SCAF11: variants seen among roughly 807,000 people sequenced by gnomAD.
SCAF11 encodes protein SCAF11.
Under a neutral mutation model 140.5 loss-of-function variants are expected in SCAF11, and 47 were observed. That is an observed-to-expected ratio of 0.33 (90% CI 0.26 to 0.43). The LOEUF (loss-of-function observed/expected upper bound fraction) is 0.43. Ranked by LOEUF, SCAF11 falls within the 20% of genes least tolerant of loss-of-function variation. The pLI is 1.00. For missense variants in SCAF11, 1,645 were observed against 1,705.1 expected (o/e 0.96, Z 0.62); for synonymous variants, 557 against 579.4 (o/e 0.96, Z 0.55).
chr12:45,959,697 T>C (rs1183820947), intron 3 of SCAF11, among the ~76,000 whole-genome samples: 2 of 152,212 alleles, frequency 1.3e-5, no homozygotes, highest in Non-Finnish European at 2.9e-5. Context: ...AATAAAAGAT[T>C]CAAACTGAAA....
intron 11 of SCAF11, among the ~76,000 whole-genome samples, chr12:45,925,891 T>C (rs1472660708): frequency 2.0e-5 from 3 of 152,186 alleles, no homozygotes; most frequent in Non-Finnish European, 4.4e-5. Flanking sequence ...AACTCTTCTA[T>C]TGTAGCAAAC....
At position 45,951,728 on chromosome 12, in the gene SCAF11, C is replaced by G; in HGVS notation, c.220-1G>C. Reference sequence around the variant, plus strand: ...GGTCAATAGGACATGAAGCCAGTGTCTGAAAAGTGATTAACAAATTATATC... The same window carrying G: ...GGTCAATAGGACATGAAGCCAGTGTGTGAAAAGTGATTAACAAATTATATC... On this transcript the variant is annotated splice_acceptor_variant, in intron 3 of 14. Transcript: ENST00000369367. LOFTEE classifies it high-confidence loss of function. 6.4e-7 allele frequency: 1 copy of G among 1,569,700 alleles called. No individual in the cohort carries two copies. The highest frequency in any genetic ancestry group is 8.7e-7 in the Non-Finnish European group (1 of 1,150,490).
intron 1 of SCAF11, among the ~76,000 whole-genome samples, chr12:45,972,883 TATATATATAGATATATATATATATAG>T (rs1946115478): frequency 2.3e-5 from 1 of 42,822 alleles, no homozygotes; most frequent in South Asian, 1.1e-3. Context: ...TATATATAGA[TATATATATAGATATATATATATATAG>T]ATATATATAT....
intron 1 of SCAF11, among the ~76,000 whole-genome samples, chr12:45,976,803 A>C (rs1029864469): frequency 2.6e-5 from 4 of 152,150 alleles, no homozygotes; most frequent in African/African-American, 9.6e-5. Flanking sequence ...AAAAAGGAGC[A>C]AAGTATATAC....
chr12:45,982,946 T>C (rs1946380222), intron 1 of SCAF11, among the ~76,000 whole-genome samples: 1 of 152,142 alleles, frequency 6.6e-6, no homozygotes, highest in Non-Finnish European at 1.5e-5. Context: ...ATACAGAAGA[T>C]GAACAAGATA....
At chr12:45,990,250 C>T (rs1946563647) in intron 1 of SCAF11, 103 bp downstream of exon 1, 3 of 1,226,780 alleles carry the variant, frequency 2.4e-6, no homozygotes. Flanking sequence ...TCAGCCCTCG[C>T]GTCGCCCTAG....
At position 45,922,058 on chromosome 12, in the gene SCAF11, T is replaced by C; in HGVS notation, c.4382A>G (p.Asn1461Ser). 1.2e-6 allele frequency: 2 copies of C among 1,610,272 alleles called. No homozygotes were observed. Among genetic ancestry groups the C allele is most frequent in the South Asian group, 1.1e-5 (1 of 90,012 alleles). ...TLEEPVSTEKNIG is the reference protein window; with the variant it reads ...TLEEPVSTEKSIG ...ACAGCGTTCCCCATTTCAGCCTATG[T>C]TTTTTTCAGTAGACACAGGTTCTTC... The change falls in exon 15 of 15, where the codon AAC becomes AGC. Residue 1461 changes from asparagine (N) to serine (S), a missense_variant. Physicochemically the swap from Asn to Ser is conservative, Grantham distance 46. Coordinates refer to ENST00000369367, the MANE Select transcript of SCAF11 (RefSeq NM_004719.3).
At chr12:45,967,476 T>C (rs926966454) in intron 1 of SCAF11, among the ~76,000 whole-genome samples, 1 of 152,160 alleles carries the variant, frequency 6.6e-6, no homozygotes, top group Admixed American at 6.5e-5. Flanking sequence ...AAACCTTGTC[T>C]CTACTAAAAA....
In SCAF11 at chr12:45,972,881, GATATATATATAGATAT is replaced by G. The variant is rs1175776902; in HGVS notation, c.-21-8709_-21-8694del. Among the ~76,000 whole-genome samples the G allele has an allele frequency of 0.024, 445 of 18,840 alleles. 21 individuals are homozygous for G. The South Asian group carries it at 0.37, about 15-fold the overall frequency. The allele number at this position is 18,840 out of a possible 152,430, so 12.4% of individuals were successfully genotyped here. On this transcript the variant is annotated intron_variant, in intron 1 of 14. Transcript: ENST00000369367. ...ATATATATCGATATATATATATATA[GATATATATATAGATAT>G]ATATATATATAGATATATATATAGA...
intron 1 of SCAF11, among the ~76,000 whole-genome samples, chr12:45,989,428 G>T (rs563728334): frequency 1.1e-4 from 16 of 152,178 alleles, no homozygotes; most frequent in Non-Finnish European, 2.2e-4. Flanking sequence ...CAAAATGAAT[G>T]AACAACAGTC....
chr12:45,970,411 G>A (rs1017708234), intron 1 of SCAF11, among the ~76,000 whole-genome samples: 6 of 152,180 alleles, frequency 3.9e-5, no homozygotes, highest in African/African-American at 1.4e-4. Context: ...TGGCCACGAG[G>A]AAATATCACA....
At chr12:45,934,025 A>G in intron 8 of SCAF11, 151 bp downstream of exon 8, 1 of 522,554 alleles carries the variant, frequency 1.9e-6, no homozygotes, top group Non-Finnish European at 3.4e-6. Context: ...GAGCTAGTTT[A>G]CCTTCCCCCC....
intron 5 of SCAF11, among the ~76,000 whole-genome samples, chr12:45,945,664 G>A (rs1279595903): frequency 1.3e-5 from 2 of 151,298 alleles, no homozygotes; most frequent in African/African-American, 4.9e-5. Context: ...AGCCTCCTGA[G>A]TAGCTTGGAC....
In SCAF11 at chr12:45,976,704, ATG is replaced by A. The variant is rs140813296; in HGVS notation, c.-21-12518_-21-12517del. Reference sequence around the variant, plus strand: ...ACCCAAACATATCCATATTTAAAATATGTGAGATGTAGCAAAAGCACTATAGT... The same window carrying A: ...ACCCAAACATATCCATATTTAAAATATGAGATGTAGCAAAAGCACTATAGT... On this transcript the variant is annotated intron_variant, in intron 1 of 14. Transcript: ENST00000369367. Among the ~76,000 whole-genome samples, 622 of 152,258 alleles carry A rather than the reference ATG, an allele frequency of 4.1e-3. 6 individuals are homozygous for A. The highest frequency in any genetic ancestry group is 0.013 in the African/African-American group (542 of 41,568).
intron 6 of SCAF11, among the ~76,000 whole-genome samples, chr12:45,936,436 C>A (rs1945175510): frequency 6.6e-6 from 1 of 152,190 alleles, no homozygotes; most frequent in East Asian, 1.9e-4. Context: ...GCCACCACGC[C>A]CAGCCAGCTT....
intron 1 of SCAF11, among the ~76,000 whole-genome samples, chr12:45,968,589 C>T (rs1473853298): frequency 6.6e-6 from 1 of 152,008 alleles, no homozygotes; most frequent in Non-Finnish European, 1.5e-5. Context: ...AACTCATTTT[C>T]CCATAGTAGA....
chr12:45,934,559 G>C (rs1242800594), intron 6 of SCAF11, 54 bp from the exon 7 acceptor site: 4 of 1,271,864 alleles, frequency 3.1e-6, no homozygotes, highest in Non-Finnish European at 4.3e-6. Flanking sequence ...TTATTAAAAA[G>C]GCTGTAAACC....
At chr12:45,977,436 T>C (rs538369945) in intron 1 of SCAF11, among the ~76,000 whole-genome samples, 7 of 152,128 alleles carry the variant, frequency 4.6e-5, no homozygotes, top group South Asian at 4.1e-4. Flanking sequence ...GGGGAATGTA[T>C]GACAACACAG....
chr12:45,951,544 T>C, intron 4 of SCAF11, 106 bp downstream of exon 4: 1 of 676,044 alleles, frequency 1.5e-6, no homozygotes, highest in South Asian at 2.4e-5. Context: ...AATAACATAT[T>C]AAACCTTAAG....
Sources: allele counts gnomAD v4.1 joint callset (sites outside exome capture counted in the v4.1 genomes callset), GRCh38; gene constraint gnomAD v4.1.1; transcripts MANE v1.5; gene names NCBI Gene and HGNC (gene_info 2026-07-23, HGNC 2026-07-21).